Variants in DHRS2 observed in about 807,000 individuals in gnomAD.
The protein encoded by DHRS2 is dehydrogenase/reductase SDR family member 2, mitochondrial.
Under a neutral mutation model 26.3 loss-of-function variants are expected in DHRS2, and 29 were observed. The observed-to-expected ratio is 1.10, with a 90% confidence interval of 0.82 to 1.50. The LOEUF (loss-of-function observed/expected upper bound fraction) is 1.50. DHRS2 is among the 40% of genes most tolerant of loss of function. The pLI is 0.00. For synonymous variants in DHRS2, 164 were observed against 151.3 expected (o/e 1.08, Z -0.62); for missense variants, 439 against 367.1 (o/e 1.20, Z -1.60).
chr14:23,642,230 C>A, intron 4 of DHRS2: 1 of 901,924 alleles, frequency 1.1e-6, no homozygotes, highest in Non-Finnish European at 1.3e-6. Flanking sequence ...TAGGCCCTTA[C>A]AGCCTGCATT....
At chr14:23,640,502 G>T in intron 4 of DHRS2, 2 of 932,724 alleles carry the variant, frequency 2.1e-6, no homozygotes, top group Non-Finnish European at 2.6e-6. Context: ...ATGCCTTGAA[G>T]CTCATCTTGG....
intron 5 of DHRS2, 93 bp downstream of exon 5, chr14:23,643,312 G>A (rs1890744176): frequency 1.7e-6 from 2 of 1,161,062 alleles, no homozygotes; most frequent in Non-Finnish European, 2.6e-6. Flanking sequence ...GTGGGTAGAG[G>A]ACAGAAGAGG....
intron 4 of DHRS2, chr14:23,642,212 G>C (rs1253764877): frequency 1.0e-6 from 1 of 979,276 alleles, no homozygotes; most frequent in Non-Finnish European, 1.2e-6. Context: ...GCGATAAGCT[G>C]GTGTGTGTAG....
At chr14:23,639,391 G>A (rs1364961583) in intron 3 of DHRS2, 35 bp downstream of exon 3, 5 of 1,540,010 alleles carry the variant, frequency 3.2e-6, no homozygotes, top group Non-Finnish European at 4.4e-6. Flanking sequence ...CACAGAGAGG[G>A]GAACATGCAG....
Position 23,636,700 on chromosome 14 carries a change from T to A in DHRS2, c.-111T>A, listed in dbSNP as rs1371868119. ...ACCTATCACCAAGTGGTGAGACTAT[T>A]GCCAAGCAGTGAGACTATTGCCAAG... On this transcript the variant is annotated 5_prime_UTR_variant, in exon 1 of 9. Coordinates refer to ENST00000250383, the MANE Select transcript of DHRS2 (RefSeq NM_005794.4). 6.6e-6 allele frequency: 1 copy of A among 152,162 alleles called. No homozygotes were observed. The highest frequency in any genetic ancestry group is 1.5e-5 in the Non-Finnish European group (1 of 68,036). 9.4% of individuals were successfully genotyped at this position (152,162 alleles called of 1,614,324 possible).
intron 3 of DHRS2, 131 bp from the exon 4 acceptor site, chr14:23,639,663 C>A (rs1890544109): frequency 9.3e-7 from 1 of 1,070,670 alleles, no homozygotes; most frequent in Non-Finnish European, 1.3e-6. Flanking sequence ...GGAGCCTGCC[C>A]TTGGGACACC....
chr14:23,645,635 C>A lies in DHRS2; in HGVS notation c.*382C>A. 1 of 266,220 alleles carries A rather than the reference C, an allele frequency of 3.8e-6. No individual in the cohort carries two copies. Among genetic ancestry groups the A allele is most frequent in the Non-Finnish European group, 7.3e-6 (1 of 137,910 alleles). The allele number at this position is 266,220 out of a possible 1,614,324, so 16.5% of individuals were successfully genotyped here. ...TTCCTAAAATAAACTCAAATTTATC[C>A]TCAAGTCTGGAAGCATCTGTCAAGG... On this transcript the variant is annotated 3_prime_UTR_variant, in exon 9 of 9. Transcript: ENST00000250383.
At chr14:23,634,755 G>T (rs940685404), upstream of DHRS2, among the ~76,000 whole-genome samples, 16 of 152,068 alleles carry the variant, frequency 1.1e-4, no homozygotes, top group African/African-American at 3.4e-4. Context: ...ATCTCATGTC[G>T]AATTGTAATC....
rs144718922 is a variant in DHRS2 at position 23,643,670 on chromosome 14, C to T, written c.489-441C>T. The stretch of plus-strand genomic sequence containing the variant: ...CCAGGTCCTGCAGATCTGACTGTAC[C>T]CCTCACAGACACACCCTTAGGAACT... On this transcript the variant is annotated intron_variant, in intron 5 of 8. Transcript: ENST00000250383. The T allele has an allele frequency of 1.9e-3, 523 of 274,886 alleles. 5 individuals carry two copies. The highest frequency in any genetic ancestry group is 0.011 in the African/African-American group (503 of 46,406). The allele number at this position is 274,886 out of a possible 1,614,324, so 17.0% of individuals were successfully genotyped here. A position where few individuals can be genotyped will look rare whatever the true frequency, so the allele number is the denominator to read the frequency against.
At chr14:23,643,322 G>A (rs2295909) in intron 5 of DHRS2, 103 bp downstream of exon 5, 3 of 1,056,730 alleles carry the variant, frequency 2.8e-6, no homozygotes, top group Non-Finnish European at 4.3e-6. Context: ...GACAGAAGAG[G>A]TCTGGGATCT....
intron 7 of DHRS2, 114 bp downstream of exon 7, chr14:23,644,657 T>A (rs746012800): frequency 8.7e-5 from 134 of 1,533,718 alleles, no homozygotes; most frequent in Admixed American, 3.4e-4. Flanking sequence ...ATGACTGAGG[T>A]CCTCATTGTT....
rs1393894434 is a variant in DHRS2 at position 23,639,814 on chromosome 14, C to T, written c.339C>T (p.Gly113=). Residue 113 remains glycine, a synonymous_variant, in exon 4 of 9, where the codon GGC becomes GGT. Transcript: ENST00000250383. ...CGCAGGCCCTGGAGCACTGTGGGGG[C>T]GTCGACTTCCTGGTGTGCAGCGCAG... The part of the protein sequence containing the change: ...LVAKALEHCG[G]VDFLVCSAGV... 53 of 1,609,384 alleles carry T rather than the reference C, an allele frequency of 3.3e-5. No individual in the cohort carries two copies. The highest frequency in any genetic ancestry group is 1.6e-4 in the Middle Eastern group (1 of 6,070).
upstream of DHRS2, among the ~76,000 whole-genome samples, chr14:23,632,606 C>T (rs889245065): frequency 6.6e-6 from 1 of 152,168 alleles, no homozygotes; most frequent in African/African-American, 2.4e-5. Flanking sequence ...CTGAGCAGCA[C>T]CCATTCACTT....
chr14:23,640,111 G>T (rs1166424249), intron 4 of DHRS2: 3 of 715,540 alleles, frequency 4.2e-6, no homozygotes, highest in African/African-American at 1.9e-5. Context: ...CACACTTTCT[G>T]CTTTGTTTTC....
At chr14:23,645,034 G>A in intron 8 of DHRS2, 108 bp from the exon 9 acceptor site, 1 of 1,575,140 alleles carries the variant, frequency 6.3e-7, no homozygotes, top group Non-Finnish European at 8.7e-7. Context: ...TAGCCCTGCT[G>A]CATCCACCTT....
At chr14:23,636,093 AAT>A, upstream of DHRS2, among the ~76,000 whole-genome samples, 3 of 152,106 alleles carry the variant, frequency 2.0e-5, no homozygotes, top group African/African-American at 7.2e-5. Flanking sequence ...ACCAATCAGC[AAT>A]CTGTGTCTAG....
At chr14:23,643,970 G>T in intron 5 of DHRS2, 141 bp from the exon 6 acceptor site, 2 of 850,030 alleles carry the variant, frequency 2.4e-6, no homozygotes, top group Non-Finnish European at 4.0e-6. Flanking sequence ...CTGAGCCTCA[G>T]TTTTCTGAAC....
At chr14:23,641,734 C>A in intron 4 of DHRS2, 1 of 1,289,732 alleles carries the variant, frequency 7.8e-7, no homozygotes, top group Non-Finnish European at 1.0e-6. Flanking sequence ...TCATCCCCCA[C>A]ACTGGTAACC....
intron 8 of DHRS2, 127 bp downstream of exon 8, chr14:23,645,009 C>T: frequency 6.4e-7 from 1 of 1,558,976 alleles, no homozygotes; most frequent in Non-Finnish European, 8.8e-7. Flanking sequence ...TCCACATGGC[C>T]CTGGAGGGTG....
Sources: gnomAD v4.1 joint callset for allele counts (sites outside exome capture counted in the v4.1 genomes callset) on GRCh38, gnomAD v4.1.1 for gene constraint, MANE v1.5 for transcripts, NCBI Gene and HGNC (gene_info 2026-07-23, HGNC 2026-07-21) for gene names.